TMOD1: variants seen among roughly 807,000 people sequenced by gnomAD.
The protein encoded by TMOD1 is tropomodulin-1.
Under a neutral mutation model 40.6 loss-of-function variants are expected in TMOD1, and 17 were observed. The ratio of observed to expected loss-of-function variants is 0.42; its 90% confidence interval spans 0.29 to 0.63. The LOEUF (loss-of-function observed/expected upper bound fraction) is 0.63, where lower values mean the gene tolerates loss of function less well. Among genes scored for constraint, TMOD1 ranks in the 20% least tolerant of loss-of-function variants. TMOD1 has a pLI of 0.22. For missense variants in TMOD1, 391 were observed against 447.6 expected (o/e 0.87, Z 1.14); for synonymous variants, 181 against 175.0 (o/e 1.03, Z -0.27).
chr9:97,586,746 C>T (rs1472754377), intron 8 of TMOD1, among the ~76,000 whole-genome samples: 1 of 151,074 alleles, frequency 6.6e-6, no homozygotes, highest in African/African-American at 2.5e-5. Flanking sequence ...GCGCAGTATT[C>T]GGGTGGGAGT....
intron 8 of TMOD1, among the ~76,000 whole-genome samples, chr9:97,576,433 A>G (rs1228775987): frequency 6.6e-6 from 1 of 152,206 alleles, no homozygotes; most frequent in Non-Finnish European, 1.5e-5. Context: ...TAGCCTGGGC[A>G]ACAGAGTGAG....
In TMOD1 at chr9:97,503,582, T is replaced by A. The variant is rs568600811; in HGVS notation, c.-49+1779T>A. 3.9e-5 allele frequency among the ~76,000 whole-genome samples: 6 copies of A among 152,204 alleles called. No homozygotes were observed. In the East Asian group the frequency reaches 1.2e-3, roughly 29 times the overall value. On this transcript the variant is annotated intron_variant, in intron 1 of 9. Transcript: ENST00000259365. Reference sequence around the variant, plus strand: ...TCTTACAAACCCGTGTTTTAGAGAGTCATTGACCCTTGAGTTTCTCCCAGC... The same window carrying A: ...TCTTACAAACCCGTGTTTTAGAGAGACATTGACCCTTGAGTTTCTCCCAGC...
Position 97,575,046 on chromosome 9 carries a change from C to T in TMOD1, c.870+6009C>T, listed in dbSNP as rs111853857. Among the ~76,000 whole-genome samples, 539 of 152,334 alleles carry T rather than the reference C, an allele frequency of 3.5e-3. 2 individuals carry two copies. The highest frequency in any genetic ancestry group is 0.013 in the African/African-American group (522 of 41,566). ...GGCTGCCGGATAACGCAGTGGCAAC[C>T]CGCTCGGGTCCACTTCCGCACTGTG... is the stretch of plus-strand genomic sequence containing the variant. On this transcript the variant is annotated intron_variant, in intron 8 of 9. Transcript: ENST00000259365.
At chr9:97,579,029 G>A (rs1825681358) in intron 8 of TMOD1, among the ~76,000 whole-genome samples, 1 of 152,166 alleles carries the variant, frequency 6.6e-6, no homozygotes, top group South Asian at 2.1e-4. Context: ...GCTGTGCTGA[G>A]TCCTCCAAGG....
At chr9:97,509,854 G>A (rs1356280148) in intron 1 of TMOD1, among the ~76,000 whole-genome samples, 3 of 151,988 alleles carry the variant, frequency 2.0e-5, no homozygotes, top group Admixed American at 6.6e-5. Context: ...TCCACAATTT[G>A]CTTTTTTATA....
At chr9:97,578,936 G>A (rs1205451670) in intron 8 of TMOD1, among the ~76,000 whole-genome samples, 3 of 152,162 alleles carry the variant, frequency 2.0e-5, no homozygotes, top group Admixed American at 6.5e-5. Context: ...ACTGGGGAGG[G>A]TGGGTGGAGG....
intron 1 of TMOD1, 32 bp from the exon 2 acceptor site, chr9:97,524,109 G>T (rs1028851121): frequency 1.3e-6 from 2 of 1,505,290 alleles, no homozygotes; most frequent in Admixed American, 4.3e-5. Flanking sequence ...AATCTGAGAC[G>T]GGTCTTTCTA....
At chr9:97,576,530 T>A (rs971884551) in intron 8 of TMOD1, among the ~76,000 whole-genome samples, 4 of 152,114 alleles carry the variant, frequency 2.6e-5, no homozygotes, top group Non-Finnish European at 5.9e-5. Flanking sequence ...TATGAATTCA[T>A]TTAAACAAGA....
chr9:97,559,781 A>T (rs1830591536), intron 4 of TMOD1, among the ~76,000 whole-genome samples: 3 of 45,840 alleles, frequency 6.5e-5, no homozygotes, highest in African/African-American at 2.7e-4. Context: ...TTAAAAAAAA[A>T]AAAAAAAAAA....
At chr9:97,574,561 C>T (rs977738428) in intron 8 of TMOD1, among the ~76,000 whole-genome samples, 1 of 152,230 alleles carries the variant, frequency 6.6e-6, no homozygotes, top group Non-Finnish European at 1.5e-5. Context: ...GGAGTGCGGG[C>T]GCAGGGCGCG....
chr9:97,599,785 T>C lies in TMOD1; in HGVS notation c.*87T>C, dbSNP rs888755849. 7 of 1,604,624 alleles carry C rather than the reference T, an allele frequency of 4.4e-6. No homozygotes were observed. In the East Asian group the frequency reaches 6.7e-5, roughly 15 times the overall value. On this transcript the variant is annotated 3_prime_UTR_variant, in exon 10 of 10. Transcript: ENST00000259365. ...CAGGGGAAACCAGAAGGCAAAATGC[T>C]GGCAGCATGAAACCCTTTTGTGGTT...
chr9:97,555,470 C>T (rs1830522397), intron 4 of TMOD1: 2 of 1,433,036 alleles, frequency 1.4e-6, no homozygotes, highest in Non-Finnish European at 1.8e-6. Flanking sequence ...TGCTACGTTT[C>T]TGTGTGGCTT....
intron 8 of TMOD1, among the ~76,000 whole-genome samples, chr9:97,573,135 G>A (rs944452132): frequency 2.0e-5 from 3 of 152,186 alleles, no homozygotes; most frequent in Non-Finnish European, 2.9e-5. Flanking sequence ...TGTGGGCCCC[G>A]AGGGAGCCTG....
intron 1 of TMOD1, among the ~76,000 whole-genome samples, chr9:97,521,389 T>C (rs1829912959): frequency 6.6e-6 from 1 of 152,198 alleles, no homozygotes; most frequent in Admixed American, 6.5e-5. Context: ...TTGCAGCCTC[T>C]CTAAGAGATG....
rs1318544837 is a variant in TMOD1, at chr9:97,559,432, G to A, written c.398-3300G>A. Among the ~76,000 whole-genome samples the A allele has an allele frequency of 4.0e-5, 6 of 151,238 alleles. No individual in the cohort carries two copies. The South Asian group carries it at 8.4e-4, about 21-fold the overall frequency. ...GAGATCATCTCATCTTGTGGTTTTC[G>A]ACTCTCACTCAGCAACAGAATCACC... On this transcript the variant is annotated intron_variant, in intron 4 of 9. Coordinates refer to ENST00000259365, the MANE Select transcript of TMOD1 (RefSeq NM_003275.4).
At chr9:97,521,490 G>T (rs957757412) in intron 1 of TMOD1, among the ~76,000 whole-genome samples, 5 of 152,200 alleles carry the variant, frequency 3.3e-5, no homozygotes, top group African/African-American at 4.8e-5. Flanking sequence ...CCAGCACAGA[G>T]ATCATGGATC....
rs947353886 is a variant in TMOD1, at chr9:97,574,477, G to A, written c.870+5440G>A. Among the ~76,000 whole-genome samples the A allele has an allele frequency of 4.5e-4, 68 of 152,344 alleles. 1 individual carries two copies. The highest frequency in any genetic ancestry group is 1.0e-3 in the South Asian group (5 of 4,832). On this transcript the variant is annotated intron_variant, in intron 8 of 9. Coordinates refer to ENST00000259365, the MANE Select transcript of TMOD1 (RefSeq NM_003275.4). ...CTTCCCCCACGCCGTGGTCTCCTGAGCGGCCCGAACCTCCCCGACAAGCGC... is the reference window on the plus strand; with the variant it reads ...CTTCCCCCACGCCGTGGTCTCCTGAACGGCCCGAACCTCCCCGACAAGCGC...
intron 1 of TMOD1, among the ~76,000 whole-genome samples, chr9:97,520,980 C>T (rs1317586331): frequency 6.6e-6 from 1 of 152,176 alleles, no homozygotes; most frequent in Non-Finnish European, 1.5e-5. Context: ...GACTCTTTTT[C>T]TAAGGCTTTT....
chr9:97,599,477 T>C (rs1373933680), intron 9 of TMOD1, among the ~76,000 whole-genome samples, 157 bp from the exon 10 acceptor site: 1 of 152,218 alleles, frequency 6.6e-6, no homozygotes, highest in Non-Finnish European at 1.5e-5. Context: ...TGGAGGGCTG[T>C]TGTACAACTC....
Sources: allele counts gnomAD v4.1 joint callset (sites outside exome capture counted in the v4.1 genomes callset), GRCh38; gene constraint gnomAD v4.1.1; transcripts MANE v1.5; gene names NCBI Gene and HGNC (gene_info 2026-07-23, HGNC 2026-07-21).